Variants in ADAMTS3 observed in about 807,000 individuals in gnomAD.
ADAMTS3 encodes the protein A disintegrin and metalloproteinase with thrombospondin motifs 3.
ADAMTS3 carries 73 observed loss-of-function variants against 129.0 expected under a neutral mutation model. That is an observed-to-expected ratio of 0.57 (90% CI 0.47 to 0.69). The LOEUF is 0.69. Ranked by LOEUF, ADAMTS3 falls within the 30% of genes least tolerant of loss-of-function variation. The probability of loss-of-function intolerance (pLI) is 0.00; values close to 1 mark genes in which losing one functional copy is unlikely to be tolerated. For synonymous variants in ADAMTS3, 477 were observed against 510.8 expected (o/e 0.93, Z 0.89); for missense variants, 1,457 against 1,514.5 (o/e 0.96, Z 0.63).
chr4:72,568,815 A>AGGGGGG lies in ADAMTS3; in HGVS notation c.-54_-53insCCCCCC. 8.7e-7 allele frequency: 1 copy of AGGGGGG among 1,150,000 alleles called. No individual in the cohort carries two copies. Among genetic ancestry groups the AGGGGGG allele is most frequent in the East Asian group, 3.2e-5 (1 of 31,164 alleles). 71.2% of individuals were successfully genotyped at this position (1,150,000 alleles called of 1,614,324 possible). A position where few individuals can be genotyped will look rare whatever the true frequency, so the allele number is the denominator to read the frequency against. On this transcript the variant is annotated 5_prime_UTR_variant, in exon 1 of 22. Transcript: ENST00000286657. ...TGGGCAAAGCAAATGCCCAGAGCAA[A>AGGGGGG]CCCACCCCCCCCGCCCAAAATAAGT... is the stretch of plus-strand genomic sequence containing the variant.
chr4:72,312,401 T>A lies in ADAMTS3; in HGVS notation c.1811A>T (p.Glu604Val). ...NFEYQLCNTE[E>V]CQKHFEDFRA... ...GAAGTCCTCAAAGTGTTTTTGGCAT[T>A]CTTCTGTGTTACAAAGCTGGTACTC... The change falls in exon 13 of 22, where the codon GAA (glutamate) becomes GTA (valine). Residue 604 changes from glutamate (E) to valine (V), a missense_variant. Coordinates refer to ENST00000286657, the MANE Select transcript of ADAMTS3 (RefSeq NM_014243.3). 6.2e-7 allele frequency: 1 copy of A among 1,613,744 alleles called. No homozygotes were observed.
intron 3 of ADAMTS3, among the ~76,000 whole-genome samples, chr4:72,490,732 T>C (rs910698605): frequency 6.6e-6 from 1 of 151,916 alleles, no homozygotes; most frequent in Non-Finnish European, 1.5e-5. Context: ...TTTTAATTAG[T>C]GTAGCTTTGT....
chr4:72,455,086 C>G (rs1224398827), intron 3 of ADAMTS3, among the ~76,000 whole-genome samples: 2 of 151,494 alleles, frequency 1.3e-5, no homozygotes, highest in African/African-American at 4.8e-5. Flanking sequence ...TTATGCATCT[C>G]AATTATCAAT....
intron 3 of ADAMTS3, among the ~76,000 whole-genome samples, chr4:72,448,754 C>T: frequency 6.6e-6 from 1 of 151,406 alleles, no homozygotes; most frequent in African/African-American, 2.4e-5. Flanking sequence ...AGAAGCAATC[C>T]AAAAGTAAGC....
chr4:72,497,123 A>AT (rs58357558), intron 3 of ADAMTS3, among the ~76,000 whole-genome samples: 6,152 of 150,256 alleles, frequency 0.041, 401 homozygotes, highest in African/African-American at 0.15. Context: ...TTAATAGAAT[A>AT]TTTTTTTCCT....
At chr4:72,513,133 C>T (rs1372241399) in intron 3 of ADAMTS3, among the ~76,000 whole-genome samples, 1 of 152,174 alleles carries the variant, frequency 6.6e-6, no homozygotes, top group Non-Finnish European at 1.5e-5. Context: ...CTCCCATCTC[C>T]TGTCTTCTAA....
chr4:72,340,743 G>C (rs1358799919), intron 4 of ADAMTS3, among the ~76,000 whole-genome samples: 1 of 151,934 alleles, frequency 6.6e-6, no homozygotes, highest in Non-Finnish European at 1.5e-5. Context: ...TAAGTTATCT[G>C]TTTTCAGATG....
intron 3 of ADAMTS3, among the ~76,000 whole-genome samples, chr4:72,488,404 G>A (rs1348407591): frequency 1.3e-5 from 2 of 151,936 alleles, no homozygotes; most frequent in Admixed American, 6.6e-5. Flanking sequence ...AAGGTTACTA[G>A]TCAGATAGCT....
intron 4 of ADAMTS3, among the ~76,000 whole-genome samples, chr4:72,349,020 C>A (rs1254548837): frequency 6.6e-6 from 1 of 151,836 alleles, no homozygotes; most frequent in East Asian, 1.9e-4. Context: ...AGACTGTGAG[C>A]TAATAAATAG....
chr4:72,426,321 A>G (rs1009494370), intron 3 of ADAMTS3, among the ~76,000 whole-genome samples: 1 of 152,278 alleles, frequency 6.6e-6, no homozygotes, highest in East Asian at 1.9e-4. Flanking sequence ...TTTGCTGTGC[A>G]GAAGCTCTTT....
At chr4:72,413,063 T>C (rs990529005) in intron 4 of ADAMTS3, among the ~76,000 whole-genome samples, 5 of 152,050 alleles carry the variant, frequency 3.3e-5, no homozygotes, top group African/African-American at 1.2e-4. Context: ...ATAATATTTC[T>C]TGTAACTTTA....
chr4:72,326,843 TTAAATTA>T (rs1172344722), intron 5 of ADAMTS3, among the ~76,000 whole-genome samples: 5 of 152,158 alleles, frequency 3.3e-5, no homozygotes, highest in African/African-American at 1.2e-4. Context: ...AACATCTAGT[TTAAATTA>T]TCAATAAAAT....
At chr4:72,506,322 C>A (rs1036606472) in intron 3 of ADAMTS3, among the ~76,000 whole-genome samples, 1 of 152,190 alleles carries the variant, frequency 6.6e-6, no homozygotes, top group Admixed American at 6.5e-5. Flanking sequence ...AGCAATGGCA[C>A]ATGCAGACCA....
chr4:72,534,556 T>C (rs1021793720), intron 3 of ADAMTS3, among the ~76,000 whole-genome samples: 1 of 152,132 alleles, frequency 6.6e-6, no homozygotes, highest in Admixed American at 6.5e-5. Context: ...GAAGAGTAAT[T>C]TGTACTCATA....
intron 4 of ADAMTS3, among the ~76,000 whole-genome samples, chr4:72,387,251 G>A (rs1257379311): frequency 6.6e-6 from 1 of 152,250 alleles, no homozygotes; most frequent in South Asian, 2.1e-4. Flanking sequence ...ATTAAGAGAA[G>A]CAGGTATACC....
At chr4:72,319,621 A>C in intron 8 of ADAMTS3, 146 bp from the exon 9 acceptor site, 2 of 1,008,876 alleles carry the variant, frequency 2.0e-6, no homozygotes, top group Non-Finnish European at 2.9e-6. Context: ...AATTGACAGC[A>C]ATCTGACAGA....
At chr4:72,309,301 T>C (rs1578569572) in intron 15 of ADAMTS3, 96 bp downstream of exon 15, 14 of 1,280,924 alleles carry the variant, frequency 1.1e-5, no homozygotes, top group Non-Finnish European at 1.2e-5. Context: ...ATTTTGATTA[T>C]GTTTATAGAG....
chr4:72,565,892 T>C (rs1268305880), intron 2 of ADAMTS3, among the ~76,000 whole-genome samples: 1 of 152,224 alleles, frequency 6.6e-6, no homozygotes, highest in Non-Finnish European at 1.5e-5. Context: ...AGCTATATAT[T>C]TTATGAAATT....
At chr4:72,444,855 C>A (rs1184733763) in intron 3 of ADAMTS3, among the ~76,000 whole-genome samples, 1 of 151,672 alleles carries the variant, frequency 6.6e-6, no homozygotes, top group Non-Finnish European at 1.5e-5. Flanking sequence ...CAATGGCACA[C>A]AATTCTGCAA....
Sources: gnomAD v4.1 joint callset for allele counts (sites outside exome capture counted in the v4.1 genomes callset) on GRCh38, gnomAD v4.1.1 for gene constraint, MANE v1.5 for transcripts, NCBI Gene and HGNC (gene_info 2026-07-23, HGNC 2026-07-21) for gene names.